The following NUP98 variants were observed in gnomAD, a reference collection of about 807,000 sequenced individuals.
The protein encoded by NUP98 is nuclear pore complex protein Nup98-Nup96.
A neutral mutation model predicts 191.9 loss-of-function variants in NUP98; 26 were observed. The observed-to-expected ratio is 0.14, with a 90% confidence interval of 0.10 to 0.19. NUP98 has a LOEUF of 0.19. Among genes scored for constraint, NUP98 ranks in the 10% least tolerant of loss-of-function variants. The pLI, the probability that NUP98 is intolerant of heterozygous loss-of-function variation, is 1.00. For missense variants in NUP98, 1,941 were observed against 2,178.8 expected, an observed-to-expected ratio of 0.89 and a Z score of 2.17; for synonymous variants, 808 against 778.4, an observed-to-expected ratio of 1.04 and a Z score of -0.63.
chr11:3,705,282 A>C lies in NUP98; in HGVS notation c.3000T>G (p.Pro1000=). The C allele has an allele frequency of 8.7e-6, 14 of 1,614,172 alleles. No homozygotes were observed. Among genetic ancestry groups the C allele is most frequent in the Non-Finnish European group, 1.1e-5 (13 of 1,180,004 alleles). The change falls in exon 22 of 33, where the codon CCT becomes CCG. Residue 1000 remains proline (P), a synonymous_variant. Transcript: ENST00000324932. ...MALDQRFSRL[P]SKADTSQEIC... ...TTTCTTGAGAAGTATCTGCTTTGGAAGGCAGGCGACTGAAGCGTTGATCCA... is the reference window on the plus strand; with the variant it reads ...TTTCTTGAGAAGTATCTGCTTTGGACGGCAGGCGACTGAAGCGTTGATCCA...
intron 1 of NUP98, among the ~76,000 whole-genome samples, chr11:3,797,082 G>C (rs532475272): frequency 1.4e-4 from 22 of 152,248 alleles, no homozygotes; most frequent in Non-Finnish European, 2.9e-4. Flanking sequence ...CCCCGGAAAG[G>C]CCAGCCCACC....
chr11:3,791,141 C>T (rs974137582), intron 1 of NUP98, among the ~76,000 whole-genome samples: 4 of 151,942 alleles, frequency 2.6e-5, no homozygotes, highest in Admixed American at 2.6e-4. Flanking sequence ...GTGATCCGCC[C>T]CCCTCAGCCT....
intron 11 of NUP98, among the ~76,000 whole-genome samples, chr11:3,748,169 A>G (rs1394291524): frequency 6.6e-6 from 1 of 152,234 alleles, no homozygotes; most frequent in Non-Finnish European, 1.5e-5. Flanking sequence ...AATGAGAGAC[A>G]AAAGCATCAG....
intron 9 of NUP98, among the ~76,000 whole-genome samples, chr11:3,761,545 G>T (rs544091831): frequency 6.6e-6 from 1 of 152,110 alleles, no homozygotes; most frequent in Non-Finnish European, 1.5e-5. Flanking sequence ...GGATCACGAG[G>T]TCAGGAGTTC....
intron 1 of NUP98, among the ~76,000 whole-genome samples, chr11:3,787,079 A>G (rs2082166536): frequency 6.6e-6 from 1 of 152,200 alleles, no homozygotes; most frequent in South Asian, 2.1e-4. Flanking sequence ...AGGGATTATC[A>G]CACACAGTTA....
intron 8 of NUP98, among the ~76,000 whole-genome samples, chr11:3,763,626 C>T (rs1329615631): frequency 6.6e-6 from 1 of 152,100 alleles, no homozygotes; most frequent in African/African-American, 2.4e-5. Context: ...GGCACAATCT[C>T]GGCTCACTGC....
intron 4 of NUP98, among the ~76,000 whole-genome samples, chr11:3,776,374 C>G (rs2081731741): frequency 6.6e-6 from 1 of 152,086 alleles, no homozygotes; most frequent in African/African-American, 2.4e-5. Context: ...ATCCTCCTAC[C>G]TCGAAATCCT....
chr11:3,691,233 G>A, intron 28 of NUP98, 114 bp downstream of exon 28: 2 of 1,095,834 alleles, frequency 1.8e-6, no homozygotes, highest in Non-Finnish European at 2.6e-6. Context: ...ATATTTGGTA[G>A]TTTATATGGA....
chr11:3,706,523 G>C lies in NUP98; in HGVS notation c.2847C>G (p.Ser949Arg). The C allele has an allele frequency of 6.2e-7, 1 of 1,614,070 alleles. No individual in the cohort carries two copies. Among genetic ancestry groups the C allele is most frequent in the South Asian group, 1.1e-5 (1 of 91,074 alleles). ...EPVLDTMLEE[S>R]MPEDQEPVSA... ...ACACAGGTTCCTGATCCTCAGGCAT[G>C]CTCTCTTCTAACATGGTATCCAAAA... Residue 949 changes from serine to arginine, a missense_variant, in exon 21 of 33, where the codon AGC becomes AGG. By Grantham distance (110) the Ser-to-Arg change is moderately radical. Around this residue, in one of 6 missense-constraint regions of NUP98, gnomAD observed 1,030 missense variants for 1,115.8 expected, o/e 0.92. Coordinates refer to ENST00000324932, the MANE Select transcript of NUP98 (RefSeq NM_016320.5).
At chr11:3,744,452 G>C in intron 12 of NUP98, 57 bp downstream of exon 12, 1 of 1,542,152 alleles carries the variant, frequency 6.5e-7, no homozygotes, top group Non-Finnish European at 8.8e-7. Context: ...TGGAAAATCA[G>C]GTCAGCAAGT....
intron 27 of NUP98, among the ~76,000 whole-genome samples, chr11:3,692,594 C>CA (rs34136134): frequency 0.1 from 14,095 of 136,044 alleles, 725 homozygotes; most frequent in South Asian, 0.19. Flanking sequence ...GACTCCATCT[C>CA]AAAAAAAAAA....
intron 7 of NUP98, among the ~76,000 whole-genome samples, chr11:3,771,412 C>T (rs917115374): frequency 1.3e-5 from 2 of 152,092 alleles, no homozygotes; most frequent in African/African-American, 4.8e-5. Flanking sequence ...TTTTCCCTTG[C>T]CCTCTCTTCA....
intron 11 of NUP98, among the ~76,000 whole-genome samples, chr11:3,751,293 G>A (rs1352167992): frequency 6.6e-6 from 1 of 152,190 alleles, no homozygotes; most frequent in Non-Finnish European, 1.5e-5. Flanking sequence ...AGGAGGCGGA[G>A]GCTGCGGTGA....
intron 11 of NUP98, among the ~76,000 whole-genome samples, chr11:3,748,502 C>T (rs1285896830): frequency 6.6e-6 from 1 of 152,114 alleles, no homozygotes; most frequent in African/African-American, 2.4e-5. Flanking sequence ...GCCTGGGCAA[C>T]AGAGCAAGAG....
intron 10 of NUP98, among the ~76,000 whole-genome samples, chr11:3,758,783 GAGAGACAGAGAGAC>G (rs996378414): frequency 6.8e-6 from 1 of 148,074 alleles, no homozygotes; most frequent in African/African-American, 2.4e-5. Flanking sequence ...GAGAGACAGA[GAGAGACAGAGAGAC>G]AGAGACAGAG....
chr11:3,774,692 G>T lies in NUP98; in HGVS notation c.496-953C>A, dbSNP rs2081650092. ...AGATTGCACCACTGCGCTCCCGTCT[G>T]GCTGACTCTGTCTCCAAAAAAAAAA... is the stretch of plus-strand genomic sequence containing the variant. On this transcript the variant is annotated intron_variant, in intron 5 of 32. Transcript: ENST00000324932. Among the ~76,000 whole-genome samples the T allele has an allele frequency of 3.3e-5, 5 of 152,042 alleles. No homozygotes were observed. The South Asian group carries it at 1.0e-3, about 32-fold the overall frequency.
chr11:3,755,451 C>G (rs1490317492), intron 10 of NUP98, among the ~76,000 whole-genome samples: 1 of 148,456 alleles, frequency 6.7e-6, no homozygotes, highest in South Asian at 2.1e-4. Flanking sequence ...GGCAACAGAG[C>G]AAGACTCCGT....
intron 1 of NUP98, among the ~76,000 whole-genome samples, chr11:3,791,117 G>T (rs193043159): frequency 4.6e-5 from 7 of 151,816 alleles, no homozygotes; most frequent in Middle Eastern, 3.2e-3. Flanking sequence ...GGATGGTCTC[G>T]ATCTCCTGAC....
intron 12 of NUP98, among the ~76,000 whole-genome samples, chr11:3,741,150 G>A (rs2080271466): frequency 1.3e-5 from 2 of 151,488 alleles, no homozygotes; most frequent in African/African-American, 4.9e-5. Flanking sequence ...GGAATGAAAA[G>A]GACCACCAAG....
Sources: gnomAD v4.1 joint callset for allele counts (sites outside exome capture counted in the v4.1 genomes callset) on GRCh38, gnomAD v4.1.1 for gene constraint, gnomAD v4.1.1 regional missense constraint, MANE v1.5 for transcripts, NCBI Gene and HGNC (gene_info 2026-07-23, HGNC 2026-07-21) for gene names.